The following ENOX1 variants were observed in gnomAD, a reference collection of about 807,000 sequenced individuals.
ENOX1 encodes the protein candidate growth-related and time keeping constitutive hydroquinone (NADH) oxidase.
In ENOX1, 42 loss-of-function variants were observed where a neutral mutation model predicts 82.5. The observed-to-expected ratio is 0.51, with a 90% CI of 0.40 to 0.66. ENOX1 has a LOEUF of 0.66. Ranked by LOEUF, ENOX1 falls within the 30% of genes least tolerant of loss-of-function variation. ENOX1 has a pLI of 0.00. For missense variants in ENOX1, 608 were observed against 811.6 expected (o/e 0.75, Z 3.05); for synonymous variants, 271 against 282.2 (o/e 0.96, Z 0.40).
At position 43,608,280 on chromosome 13, in the gene ENOX1, C is replaced by G. The variant is rs147212640; in HGVS notation, c.-219+59199G>C. ...TTTAAACAATATGATATGACTTTTT[C>G]CCCGAAACTGAAGTTATTTCTATCC... On this transcript the variant is annotated intron_variant, in intron 2 of 16. Coordinates refer to ENST00000690772, the MANE Select transcript of ENOX1 (RefSeq NM_001347969.2). Among the ~76,000 whole-genome samples the G allele has an allele frequency of 1.4e-4, 21 of 152,176 alleles. No individual in the cohort carries two copies. The East Asian group carries it at 4.1e-3, about 29-fold the overall frequency.
At chr13:43,721,076 G>GAGTT (rs2088541758) in intron 1 of ENOX1, among the ~76,000 whole-genome samples, 1 of 152,174 alleles carries the variant, frequency 6.6e-6, no homozygotes, top group African/African-American at 2.4e-5. Flanking sequence ...CAAAAGGAGA[G>GAGTT]AGTGGTGGGT....
chr13:43,728,970 C>T (rs1049355169), intron 1 of ENOX1, among the ~76,000 whole-genome samples: 3 of 152,176 alleles, frequency 2.0e-5, no homozygotes, highest in Non-Finnish European at 4.4e-5. Context: ...CTTTCTTTGG[C>T]TAGCTAAGCT....
At chr13:43,392,463 G>A (rs777265262) in intron 5 of ENOX1, among the ~76,000 whole-genome samples, 19 of 152,192 alleles carry the variant, frequency 1.2e-4, no homozygotes, top group Non-Finnish European at 2.1e-4. Context: ...TGGATCCCCT[G>A]AGGTCAGGAG....
At chr13:43,249,266 A>T (rs999237345) in intron 14 of ENOX1, among the ~76,000 whole-genome samples, 1 of 152,178 alleles carries the variant, frequency 6.6e-6, no homozygotes, top group Non-Finnish European at 1.5e-5. Context: ...GACATAACCA[A>T]ATGAAAAAAT....
At chr13:43,416,349 T>A (rs1405870638) in intron 3 of ENOX1, among the ~76,000 whole-genome samples, 1 of 125,818 alleles carries the variant, frequency 7.9e-6, no homozygotes, top group Admixed American at 7.9e-5. Context: ...AGTTCCCAGA[T>A]GGGGCGGCCG....
At chr13:43,754,051 T>TATATACATATATACTTATATAAATACAC (rs71099849) in intron 1 of ENOX1, among the ~76,000 whole-genome samples, 5 of 117,780 alleles carry the variant, frequency 4.2e-5, no homozygotes, top group Non-Finnish European at 8.4e-5. Context: ...TAAATACACA[T>TATATACATATATACTTATATAAATACAC]ATATATACAT....
At chr13:43,341,725 C>T (rs1284218994) in intron 9 of ENOX1, among the ~76,000 whole-genome samples, 1 of 152,124 alleles carries the variant, frequency 6.6e-6, no homozygotes, top group Non-Finnish European at 1.5e-5. Context: ...CTCTGTATGG[C>T]AAAAACTGCA....
At chr13:43,613,622 AAGAGGCTACT>A (rs2153740228) in intron 2 of ENOX1, among the ~76,000 whole-genome samples, 1 of 152,336 alleles carries the variant, frequency 6.6e-6, no homozygotes, top group South Asian at 2.1e-4. Context: ...TTAAAAGGAT[AAGAGGCTACT>A]ATGAAAAATT....
chr13:43,349,120 G>T (rs115201412), intron 8 of ENOX1, among the ~76,000 whole-genome samples: 546 of 152,308 alleles, frequency 3.6e-3, no homozygotes, highest in African/African-American at 0.013. Context: ...GGAAACATCA[G>T]AGTTGATAAT....
intron 1 of ENOX1, among the ~76,000 whole-genome samples, chr13:43,769,667 C>T (rs966376874): frequency 4.6e-5 from 7 of 152,216 alleles, no homozygotes; most frequent in Admixed American, 4.6e-4. Context: ...CATCACCCAC[C>T]AAGCACTAGG....
rs182471332 is a variant in ENOX1, at chr13:43,526,188, T to C, written c.-218-42036A>G. Among the ~76,000 whole-genome samples the C allele has an allele frequency of 9.4e-4, 143 of 152,290 alleles. 1 individual carries two copies. Among genetic ancestry groups the C allele is most frequent in the Non-Finnish European group, 1.7e-3 (119 of 68,006 alleles). On this transcript the variant is annotated intron_variant, in intron 2 of 16. Coordinates refer to ENST00000690772, the MANE Select transcript of ENOX1 (RefSeq NM_001347969.2). Reference sequence around the variant, plus strand: ...AGACAAATGGAAGTACAACTGTTAATTAAAAGCACATAATGTTGCCTGATT... The same window carrying C: ...AGACAAATGGAAGTACAACTGTTAACTAAAAGCACATAATGTTGCCTGATT...
chr13:43,438,002 A>C (rs1299441021), intron 3 of ENOX1, among the ~76,000 whole-genome samples: 1 of 152,224 alleles, frequency 6.6e-6, no homozygotes, highest in Non-Finnish European at 1.5e-5. Flanking sequence ...TGTTTCAGGC[A>C]TGACAACACT....
intron 5 of ENOX1, among the ~76,000 whole-genome samples, chr13:43,406,852 T>C (rs2053832362): frequency 6.6e-6 from 1 of 152,152 alleles, no homozygotes; most frequent in South Asian, 2.1e-4. Context: ...GCTAAGAAGC[T>C]TGGAGTAAAA....
At chr13:43,609,063 G>T (rs1464378740) in intron 2 of ENOX1, among the ~76,000 whole-genome samples, 1 of 152,178 alleles carries the variant, frequency 6.6e-6, no homozygotes, top group Non-Finnish European at 1.5e-5. Context: ...CTGACACAGA[G>T]CAGGCACTCA....
chr13:43,243,834 T>A (rs1434109245), intron 14 of ENOX1, among the ~76,000 whole-genome samples: 1 of 152,176 alleles, frequency 6.6e-6, no homozygotes, highest in African/African-American at 2.4e-5. Context: ...CTTTCTATGC[T>A]ATGTCCAGAA....
At chr13:43,613,184 T>C (rs2082271941) in intron 2 of ENOX1, among the ~76,000 whole-genome samples, 1 of 152,166 alleles carries the variant, frequency 6.6e-6, no homozygotes, top group Admixed American at 6.5e-5. Flanking sequence ...ATTTTATTGT[T>C]TACTAGTCCA....
At chr13:43,721,580 G>A (rs1238975912) in intron 1 of ENOX1, among the ~76,000 whole-genome samples, 4 of 151,340 alleles carry the variant, frequency 2.6e-5, no homozygotes, top group Admixed American at 1.3e-4. Flanking sequence ...GGGTTTCACC[G>A]TTTTAGCCGG....
At chr13:43,689,105 G>C (rs996598087) in intron 1 of ENOX1, among the ~76,000 whole-genome samples, 1 of 152,156 alleles carries the variant, frequency 6.6e-6, no homozygotes, top group Non-Finnish European at 1.5e-5. Context: ...AGCATTTGTA[G>C]GAGGTTTCTA....
At chr13:43,770,523 G>C (rs1023639720) in intron 1 of ENOX1, among the ~76,000 whole-genome samples, 2 of 152,032 alleles carry the variant, frequency 1.3e-5, no homozygotes, top group African/African-American at 2.4e-5. Context: ...ACAATGAAAG[G>C]CATCCAATAA....
Sources: allele counts gnomAD v4.1 joint callset (sites outside exome capture counted in the v4.1 genomes callset), GRCh38; gene constraint gnomAD v4.1.1; transcripts MANE v1.5; gene names NCBI Gene and HGNC (gene_info 2026-07-23, HGNC 2026-07-21).